SAMMSON: variants seen among roughly 807,000 people sequenced by gnomAD.
The protein encoded by SAMMSON is survival associated mitochondrial melanoma specific oncogenic non-coding RNA.
chr3:70,070,199 A>T (rs1474326950), intron 3 of SAMMSON: 1 of 152,090 alleles, frequency 6.6e-6, no homozygotes, highest in Non-Finnish European at 1.5e-5. Flanking sequence ...GAGTTATAGT[A>T]TGCCCTTCAC....
intron 4 of SAMMSON, among the ~76,000 whole-genome samples, chr3:70,144,839 T>G (rs1329116313): frequency 6.6e-6 from 1 of 152,170 alleles, no homozygotes; most frequent in Non-Finnish European, 1.5e-5. Context: ...GCCTCTGCCA[T>G]GATTGTGAGG....
At chr3:70,320,954 G>A (rs1575625229) in intron 7 of SAMMSON, among the ~76,000 whole-genome samples, 1 of 152,040 alleles carries the variant, frequency 6.6e-6, no homozygotes, top group Non-Finnish European at 1.5e-5. Context: ...GAGTTGTTGG[G>A]GAGGGAGGCA....
intron 2 of SAMMSON, among the ~76,000 whole-genome samples, chr3:70,412,097 G>A (rs1429252899): frequency 6.6e-6 from 1 of 152,018 alleles, no homozygotes; most frequent in African/African-American, 2.4e-5. Context: ...GTTAATGAGG[G>A]GAAGCTTTTA....
intron 9 of SAMMSON, among the ~76,000 whole-genome samples, chr3:70,362,877 A>C (rs1250913886): frequency 2.0e-5 from 3 of 149,304 alleles, no homozygotes; most frequent in Non-Finnish European, 3.0e-5. Flanking sequence ...AGTGACTCTC[A>C]GAGTATAGAA....
At chr3:70,343,279 CA>C (rs1280000385) in intron 7 of SAMMSON, among the ~76,000 whole-genome samples, 1 of 151,954 alleles carries the variant, frequency 6.6e-6, no homozygotes, top group Non-Finnish European at 1.5e-5. Context: ...ATATTTTATT[CA>C]TTTTTTTAGT....
At chr3:70,313,483 A>G (rs965959723) in intron 7 of SAMMSON, among the ~76,000 whole-genome samples, 16 of 143,634 alleles carry the variant, frequency 1.1e-4, no homozygotes, top group Non-Finnish European at 1.4e-4. Context: ...GTCTGAAAGG[A>G]AAAAAAAAAA....
At chr3:70,345,193 G>A (rs546756649) in intron 7 of SAMMSON, among the ~76,000 whole-genome samples, 116 of 152,056 alleles carry the variant, frequency 7.6e-4, no homozygotes, top group African/African-American at 2.7e-3. Flanking sequence ...TGCTCCAACA[G>A]AGTAATCTAG....
chr3:70,287,605 A>G (rs1191770948), intron 6 of SAMMSON, among the ~76,000 whole-genome samples: 9 of 151,802 alleles, frequency 5.9e-5, no homozygotes, highest in Admixed American at 3.3e-4. Context: ...CTCTTTTTCT[A>G]TTGATTGGAA....
chr3:70,023,089 T>C (rs2067022312), intron 3 of SAMMSON, among the ~76,000 whole-genome samples: 1 of 152,172 alleles, frequency 6.6e-6, no homozygotes, highest in African/African-American at 2.4e-5. Flanking sequence ...AATCTCTGCT[T>C]TGATGTTGGC....
chr3:70,130,016 C>T (rs2067475735), intron 4 of SAMMSON, among the ~76,000 whole-genome samples: 1 of 152,034 alleles, frequency 6.6e-6, no homozygotes, highest in South Asian at 2.1e-4. Context: ...GGTAAGAGCC[C>T]CTCTAATCAA....
intron 6 of SAMMSON, among the ~76,000 whole-genome samples, chr3:70,267,276 A>G (rs1174220069): frequency 1.3e-5 from 2 of 151,768 alleles, no homozygotes; most frequent in African/African-American, 4.8e-5. Flanking sequence ...AAATCTTAAT[A>G]TTGTGAAGGT....
At chr3:70,136,862 C>G (rs1022646106) in intron 4 of SAMMSON, among the ~76,000 whole-genome samples, 7 of 151,970 alleles carry the variant, frequency 4.6e-5, no homozygotes, top group Admixed American at 2.6e-4. Flanking sequence ...AGTTTTTCTC[C>G]TTAGTTTTTA....
At chr3:70,329,037 A>G (rs1414873942) in intron 7 of SAMMSON, among the ~76,000 whole-genome samples, 2 of 152,168 alleles carry the variant, frequency 1.3e-5, no homozygotes, top group African/African-American at 4.8e-5. Flanking sequence ...TAAATATTGA[A>G]AGAAAAGAAA....
At chr3:70,361,234 C>A (rs182001904) in intron 9 of SAMMSON, among the ~76,000 whole-genome samples, 1 of 152,280 alleles carries the variant, frequency 6.6e-6, no homozygotes. Flanking sequence ...GTAGACAAGG[C>A]ATAAGCAGAA....
At chr3:70,314,841 T>G (rs1353426453) in intron 7 of SAMMSON, among the ~76,000 whole-genome samples, 1 of 152,118 alleles carries the variant, frequency 6.6e-6, no homozygotes, top group Admixed American at 6.6e-5. Context: ...AAACCTGAGA[T>G]GCTTCCAGGT....
intron 6 of SAMMSON, among the ~76,000 whole-genome samples, chr3:70,257,752 A>G (rs1701829930): frequency 6.6e-6 from 1 of 152,204 alleles, no homozygotes; most frequent in African/African-American, 2.4e-5. Flanking sequence ...TGACTTATGT[A>G]TTCAGTGCAA....
chr3:70,261,641 T>C (rs75056505), intron 6 of SAMMSON, among the ~76,000 whole-genome samples: 20,233 of 152,178 alleles, frequency 0.13, 1,470 homozygotes, highest in East Asian at 0.23. Flanking sequence ...ATTTCTACCA[T>C]AAGTGCAGGA....
At chr3:70,279,641 G>A (rs1702061846) in intron 6 of SAMMSON, among the ~76,000 whole-genome samples, 1 of 152,186 alleles carries the variant, frequency 6.6e-6, no homozygotes, top group Non-Finnish European at 1.5e-5. Context: ...GCTACATGCT[G>A]AGTCCTATTT....
intron 6 of SAMMSON, among the ~76,000 whole-genome samples, chr3:70,259,360 T>C (rs1227502320): frequency 6.6e-6 from 1 of 151,832 alleles, no homozygotes; most frequent in Middle Eastern, 3.2e-3. Flanking sequence ...GTGACCTTGA[T>C]AGACAGTGGA....
Sources: allele counts gnomAD v4.1 joint callset (sites outside exome capture counted in the v4.1 genomes callset), GRCh38; gene constraint gnomAD v4.1.1; transcripts MANE v1.5; gene names NCBI Gene and HGNC (gene_info 2026-07-23, HGNC 2026-07-21).